The following PPTC7 variants were observed in gnomAD, a reference collection of about 807,000 sequenced individuals.
PPTC7 encodes protein phosphatase targeting COQ7.
In PPTC7, 6 loss-of-function variants were observed where a neutral mutation model predicts 30.8. The observed-to-expected ratio is 0.19, with a 90% CI of 0.11 to 0.38. PPTC7 has a LOEUF of 0.38. PPTC7 is among the 10% of genes least tolerant of loss of function. The pLI is 1.00. For missense variants in PPTC7, 218 were observed against 404.8 expected, an observed-to-expected ratio of 0.54 and a Z score of 3.96; for synonymous variants, 163 against 168.1, an observed-to-expected ratio of 0.97 and a Z score of 0.23.
chr12:110,582,434 A>T (rs937170142), intron 1 of PPTC7, among the ~76,000 whole-genome samples: 2 of 152,084 alleles, frequency 1.3e-5, no homozygotes, highest in Admixed American at 6.5e-5. Context: ...GCATGCGGAG[A>T]GGGAACCAGA....
chr12:110,557,271 T>C (rs1477549812), intron 1 of PPTC7, among the ~76,000 whole-genome samples: 1 of 152,070 alleles, frequency 6.6e-6, no homozygotes, highest in African/African-American at 2.4e-5. Context: ...CTAAAATGAC[T>C]TAGTAGTAGT....
chr12:110,573,580 C>T (rs2064558125), intron 1 of PPTC7, among the ~76,000 whole-genome samples: 1 of 152,122 alleles, frequency 6.6e-6, no homozygotes, highest in African/African-American at 2.4e-5. Flanking sequence ...TAGAGGGAAC[C>T]ACAATGACTA....
intron 3 of PPTC7, among the ~76,000 whole-genome samples, chr12:110,545,121 C>T (rs2064295396): frequency 6.6e-6 from 1 of 151,954 alleles, no homozygotes; most frequent in Non-Finnish European, 1.5e-5. Context: ...GAGACAGAGT[C>T]TTGCTCTGTC....
At chr12:110,553,346 C>T (rs1319664518) in intron 1 of PPTC7, among the ~76,000 whole-genome samples, 1 of 151,752 alleles carries the variant, frequency 6.6e-6, no homozygotes, top group Non-Finnish European at 1.5e-5. Context: ...AGGGGTTCAC[C>T]GTGTTAGCCA....
At chr12:110,538,067 C>T in intron 5 of PPTC7, 77 bp downstream of exon 5, 2 of 1,520,090 alleles carry the variant, frequency 1.3e-6, no homozygotes, top group South Asian at 1.2e-5. Flanking sequence ...CACAGTCTCA[C>T]CCAGAGCCCA....
At chr12:110,578,365 C>T (rs1309374153) in intron 1 of PPTC7, among the ~76,000 whole-genome samples, 2 of 152,100 alleles carry the variant, frequency 1.3e-5, no homozygotes, top group African/African-American at 4.8e-5. Context: ...ACACGGCTCC[C>T]GCTAGTACTG....
chr12:110,573,899 T>C (rs535366124), intron 1 of PPTC7, among the ~76,000 whole-genome samples: 59 of 152,116 alleles, frequency 3.9e-4, no homozygotes, highest in African/African-American at 1.4e-3. Context: ...GAGAATCGCT[T>C]GAACCCGGGA....
chr12:110,579,816 CA>C (rs1473975249), intron 1 of PPTC7, among the ~76,000 whole-genome samples: 1 of 152,108 alleles, frequency 6.6e-6, no homozygotes, highest in Non-Finnish European at 1.5e-5. Context: ...AGTTCGAGTA[CA>C]GCCTGGCCAA....
intron 1 of PPTC7, among the ~76,000 whole-genome samples, chr12:110,578,610 A>C (rs1161089896): frequency 6.6e-6 from 1 of 152,192 alleles, no homozygotes; most frequent in African/African-American, 2.4e-5. Context: ...TCTCATATAA[A>C]AAGAAAGAAA....
In PPTC7 at chr12:110,534,834, A is replaced by G. The variant is rs1174494433; in HGVS notation, c.*2203T>C. 1.3e-5 allele frequency: 2 copies of G among 152,730 alleles called. No individual in the cohort carries two copies. The highest frequency in any genetic ancestry group is 6.5e-5 in the Admixed American group (1 of 15,296). The allele number at this position is 152,730 out of a possible 1,614,324, so 9.5% of individuals were successfully genotyped here. A position where few individuals can be genotyped will look rare whatever the true frequency, so the allele number is the denominator to read the frequency against. ...TAAAACACCACCAATCTAGCTTTAC[A>G]AAGATTGTGTTTGACGGGTTAAATG... On this transcript the variant is annotated 3_prime_UTR_variant, in exon 6 of 6. Transcript: ENST00000354300.
intron 3 of PPTC7, among the ~76,000 whole-genome samples, chr12:110,542,327 G>C (rs1333224313): frequency 6.6e-6 from 1 of 151,442 alleles, no homozygotes; most frequent in East Asian, 1.9e-4. Flanking sequence ...AAGACACACA[G>C]ACATGGATGC....
At chr12:110,556,602 T>C (rs2064389319) in intron 1 of PPTC7, among the ~76,000 whole-genome samples, 1 of 152,132 alleles carries the variant, frequency 6.6e-6, no homozygotes, top group Non-Finnish European at 1.5e-5. Flanking sequence ...AGAAAACTGT[T>C]AAAGGAGAAA....
chr12:110,537,014 A>G lies in PPTC7; in HGVS notation c.*23T>C. The stretch of plus-strand genomic sequence containing the variant: ...AGGGGAAATTTGGGATGATGAAAGG[A>G]AAGGCAGGACTTGACACCTCAGCTA... On this transcript the variant is annotated 3_prime_UTR_variant, in exon 6 of 6. Coordinates refer to ENST00000354300, the MANE Select transcript of PPTC7 (RefSeq NM_139283.2). 6.3e-7 allele frequency: 1 copy of G among 1,597,210 alleles called. No homozygotes were observed. Among genetic ancestry groups the G allele is most frequent in the Non-Finnish European group, 8.6e-7 (1 of 1,165,768 alleles).
chr12:110,563,201 T>C (rs944060602), intron 1 of PPTC7, among the ~76,000 whole-genome samples: 1 of 151,082 alleles, frequency 6.6e-6, no homozygotes, highest in African/African-American at 2.4e-5. Context: ...ATGAAATCTG[T>C]GTCTTTTGAT....
intron 2 of PPTC7, chr12:110,546,696 T>C (rs1396124128): frequency 6.4e-6 from 1 of 155,600 alleles, no homozygotes; most frequent in Non-Finnish European, 1.4e-5. Context: ...CAAAGAACTC[T>C]GCATAGCTTT....
intron 1 of PPTC7, among the ~76,000 whole-genome samples, chr12:110,572,539 G>A (rs1418242173): frequency 6.6e-6 from 1 of 152,158 alleles, no homozygotes; most frequent in Admixed American, 6.5e-5. Context: ...TAATGAATAC[G>A]AGAACAGTGC....
intron 3 of PPTC7, among the ~76,000 whole-genome samples, chr12:110,542,673 CAAAAAAAAAAAAA>C (rs765332697): frequency 4.9e-4 from 13 of 26,776 alleles, no homozygotes; most frequent in African/African-American, 2.1e-3. Context: ...GACTCTGTCT[CAAAAAAAAAAAAA>C]AAAAAAAAAA....
intron 2 of PPTC7, among the ~76,000 whole-genome samples, chr12:110,549,479 T>C (rs1023833564): frequency 6.6e-6 from 1 of 152,154 alleles, no homozygotes; most frequent in African/African-American, 2.4e-5. Flanking sequence ...TTTGTCAAAA[T>C]ATGCTTGAGT....
intron 1 of PPTC7, among the ~76,000 whole-genome samples, chr12:110,572,314 T>C (rs941119430): frequency 1.3e-5 from 2 of 152,040 alleles, no homozygotes; most frequent in African/African-American, 2.4e-5. Flanking sequence ...TGTGGTGGCA[T>C]GTGCCTGTAG....
Sources: allele counts gnomAD v4.1 joint callset (sites outside exome capture counted in the v4.1 genomes callset), GRCh38; gene constraint gnomAD v4.1.1; transcripts MANE v1.5; gene names NCBI Gene and HGNC (gene_info 2026-07-23, HGNC 2026-07-21).